Variants in GALM observed in about 807,000 individuals in gnomAD.
The protein encoded by GALM is aldose 1-epimerase.
A neutral mutation model predicts 37.4 loss-of-function variants in GALM; 43 were observed. The observed-to-expected ratio is 1.15, with a 90% CI of 0.90 to 1.48. GALM has a LOEUF of 1.48. Ranked by LOEUF, GALM falls within the 40% of genes most tolerant of loss-of-function variation. GALM has a pLI of 0.00. For missense variants in GALM, 456 were observed against 419.1 expected (o/e 1.09, Z -0.77); for synonymous variants, 199 against 170.6 (o/e 1.17, Z -1.30).
chr2:38,690,603 T>C (rs571558764), intron 4 of GALM, among the ~76,000 whole-genome samples: 1 of 152,108 alleles, frequency 6.6e-6, no homozygotes, highest in Admixed American at 6.6e-5. Flanking sequence ...ACCACGCCTG[T>C]TGTATTTTTA....
chr2:38,686,205 C>A (rs548263266), intron 3 of GALM, among the ~76,000 whole-genome samples: 11 of 127,530 alleles, frequency 8.6e-5, no homozygotes, highest in East Asian at 4.8e-4. Context: ...AAAAAAAAAA[C>A]CACAGAAAGT....
chr2:38,711,307 G>A (rs973835322), intron 4 of GALM, among the ~76,000 whole-genome samples: 10 of 151,868 alleles, frequency 6.6e-5, no homozygotes, highest in South Asian at 2.1e-4. Context: ...TTACAGGCGC[G>A]CACCACCACA....
intron 4 of GALM, 71 bp from the exon 5 acceptor site, chr2:38,729,485 C>T (rs1666554493): frequency 7.1e-7 from 1 of 1,408,430 alleles, no homozygotes; most frequent in Non-Finnish European, 9.8e-7. Flanking sequence ...ACCAGTGAGC[C>T]TTTGTGGAGG....
chr2:38,696,089 T>G (rs2148439737), intron 4 of GALM, among the ~76,000 whole-genome samples: 1 of 152,122 alleles, frequency 6.6e-6, no homozygotes, highest in South Asian at 2.1e-4. Flanking sequence ...GCCTCTATTA[T>G]TGTCACTATA....
At chr2:38,720,752 G>A (rs1430268944) in intron 4 of GALM, among the ~76,000 whole-genome samples, 2 of 152,154 alleles carry the variant, frequency 1.3e-5, no homozygotes, top group African/African-American at 4.8e-5. Flanking sequence ...TTGGCTGTTG[G>A]CTGGAGGCCT....
At chr2:38,722,033 C>G (rs1666387133) in intron 4 of GALM, among the ~76,000 whole-genome samples, 1 of 66,542 alleles carries the variant, frequency 1.5e-5, no homozygotes, top group Non-Finnish European at 3.0e-5. Flanking sequence ...CTTCCCTTCC[C>G]CCCCCCACCC....
At chr2:38,722,854 G>A (rs1286708145) in intron 4 of GALM, among the ~76,000 whole-genome samples, 1 of 152,208 alleles carries the variant, frequency 6.6e-6, no homozygotes, top group Non-Finnish European at 1.5e-5. Flanking sequence ...CCAGAGGGAG[G>A]TGGAAAGTGC....
chr2:38,702,306 C>T (rs1665935770), intron 4 of GALM, among the ~76,000 whole-genome samples: 1 of 152,036 alleles, frequency 6.6e-6, no homozygotes. Flanking sequence ...CTCCCCAAAA[C>T]CATCTCTCAT....
chr2:38,682,828 G>A (rs922274473), intron 3 of GALM, among the ~76,000 whole-genome samples: 2 of 151,792 alleles, frequency 1.3e-5, no homozygotes, highest in Non-Finnish European at 2.9e-5. Flanking sequence ...CCTGGAAGGC[G>A]GAGGTTGCAG....
intron 4 of GALM, among the ~76,000 whole-genome samples, chr2:38,713,276 C>G (rs1378185823): frequency 6.6e-6 from 1 of 152,188 alleles, no homozygotes; most frequent in Non-Finnish European, 1.5e-5. Context: ...AATGCCTTCT[C>G]TTGGTGTGGT....
At chr2:38,676,201 C>T in intron 2 of GALM, 135 bp downstream of exon 2, 1 of 812,038 alleles carries the variant, frequency 1.2e-6, no homozygotes, top group South Asian at 1.6e-5. Flanking sequence ...TGGTTCAGGG[C>T]AGCAGGTGCA....
chr2:38,666,317 C>A lies in GALM; in HGVS notation c.156C>A (p.Ala52=). 6.2e-7 allele frequency: 1 copy of A among 1,613,414 alleles called. No individual in the cohort carries two copies. Among genetic ancestry groups the A allele is most frequent in the Non-Finnish European group, 8.5e-7 (1 of 1,179,642 alleles). ...AGGTCAAAGACAGGCAGGGGAGAGC[C>A]TCGGACGTGGTGCTTGGCTTCGCCG... ...ALEVKDRQGR[A]SDVVLGFAEL... The change falls in exon 1 of 7, where the codon GCC becomes GCA. Residue 52 remains alanine (A), a synonymous_variant. Transcript: ENST00000272252.
intron 2 of GALM, among the ~76,000 whole-genome samples, chr2:38,676,421 C>T (rs1341201180): frequency 1.3e-5 from 2 of 152,138 alleles, no homozygotes; most frequent in Admixed American, 1.3e-4. Context: ...TTATCTCTTA[C>T]TCTTACTAAA....
intron 4 of GALM, among the ~76,000 whole-genome samples, chr2:38,715,840 G>C (rs1666260334): frequency 6.6e-6 from 1 of 152,158 alleles, no homozygotes; most frequent in Non-Finnish European, 1.5e-5. Context: ...GTAGGGTGCT[G>C]GGCACTTTAC....
intron 1 of GALM, chr2:38,669,644 G>C (rs566844939): frequency 6.6e-6 from 1 of 152,054 alleles, no homozygotes; most frequent in Non-Finnish European, 1.5e-5. Context: ...CAGCACTCTG[G>C]GTGGGTGGAT....
chr2:38,672,609 A>G (rs1665138164), intron 1 of GALM, among the ~76,000 whole-genome samples: 1 of 152,174 alleles, frequency 6.6e-6, no homozygotes, highest in South Asian at 2.1e-4. Context: ...TTCTGCCACT[A>G]CTTAGCTGTG....
At chr2:38,712,023 A>T (rs577338486) in intron 4 of GALM, among the ~76,000 whole-genome samples, 9 of 152,160 alleles carry the variant, frequency 5.9e-5, no homozygotes, top group Non-Finnish European at 1.3e-4. Context: ...GGTAACAGTG[A>T]CAAGAAGCTA....
intron 4 of GALM, among the ~76,000 whole-genome samples, chr2:38,720,150 C>G (rs1422676225): frequency 6.6e-6 from 1 of 151,940 alleles, no homozygotes; most frequent in African/African-American, 2.4e-5. Flanking sequence ...GAGGTCAAGC[C>G]TTCATTGAGC....
chr2:38,687,012 C>T (rs557642595), intron 3 of GALM, among the ~76,000 whole-genome samples: 5 of 152,170 alleles, frequency 3.3e-5, no homozygotes, highest in South Asian at 2.1e-4. Flanking sequence ...CCCAGTTTAG[C>T]GCCACCAAGG....
Sources: allele counts gnomAD v4.1 joint callset (sites outside exome capture counted in the v4.1 genomes callset), GRCh38; gene constraint gnomAD v4.1.1; transcripts MANE v1.5; gene names NCBI Gene and HGNC (gene_info 2026-07-23, HGNC 2026-07-21).